L3MBTL4: variants seen among roughly 807,000 people sequenced by gnomAD.
L3MBTL4 encodes lethal(3)malignant brain tumor-like protein 4.
Under a neutral mutation model 84.5 loss-of-function variants are expected in L3MBTL4, and 70 were observed. That is an observed-to-expected ratio of 0.83 (90% confidence interval 0.68 to 1.01). L3MBTL4 has a LOEUF of 1.01. Ranked by LOEUF, L3MBTL4 falls within the 50% of genes least tolerant of loss-of-function variation. The pLI, the probability that L3MBTL4 is intolerant of heterozygous loss-of-function variation, is 0.00. For synonymous variants in L3MBTL4, 274 were observed against 259.8 expected (o/e 1.05, Z -0.52); for missense variants, 715 against 754.8 (o/e 0.95, Z 0.62).
chr18:6,136,513 A>T (rs1430450949), intron 14 of L3MBTL4, among the ~76,000 whole-genome samples: 2 of 152,212 alleles, frequency 1.3e-5, no homozygotes, highest in African/African-American at 4.8e-5. Context: ...GGTTGTAGAC[A>T]GCAACCAGAT....
At chr18:6,318,473 C>G (rs530813184) in intron 1 of L3MBTL4, among the ~76,000 whole-genome samples, 4 of 19,856 alleles carry the variant, frequency 2.0e-4, no homozygotes, top group Admixed American at 6.9e-4. Context: ...TCAGATAAAA[C>G]AGACTTTCAA....
chr18:6,388,175 C>T (rs2054901536), intron 1 of L3MBTL4, among the ~76,000 whole-genome samples: 1 of 151,976 alleles, frequency 6.6e-6, no homozygotes, highest in Non-Finnish European at 1.5e-5. Flanking sequence ...GATTTATCAA[C>T]ATAAAAAAAT....
At chr18:6,050,722 C>G (rs1197134920) in intron 16 of L3MBTL4, among the ~76,000 whole-genome samples, 2 of 152,020 alleles carry the variant, frequency 1.3e-5, no homozygotes, top group East Asian at 1.9e-4. Context: ...TTCTCTTCTT[C>G]TCTTAGGGAA....
In L3MBTL4 at chr18:6,121,712, G is replaced by A. The variant is rs902455759; in HGVS notation, c.1199+16482C>T. ...TGTGTGTGTGTGTGTGTGTGTGTGT[G>A]TGTGTGTATGTGTGTGTGCATGTTT... On this transcript the variant is annotated intron_variant, in intron 14 of 18. Transcript: ENST00000317931. Among the ~76,000 whole-genome samples, 9 of 136,970 alleles carry A rather than the reference G, an allele frequency of 6.6e-5. No individual in the cohort carries two copies. In the East Asian group the frequency reaches 1.8e-3, roughly 27 times the overall value. The allele number at this position is 136,970 out of a possible 152,430, so 89.9% of individuals were successfully genotyped here.
At chr18:6,316,049 C>A (rs981369035) in intron 1 of L3MBTL4, among the ~76,000 whole-genome samples, 40 of 151,910 alleles carry the variant, frequency 2.6e-4, no homozygotes, top group Non-Finnish European at 2.2e-4. Context: ...GGAGTCCATG[C>A]CACTCCCCTG....
chr18:6,354,441 A>G (rs1224297077), intron 1 of L3MBTL4, among the ~76,000 whole-genome samples: 4 of 152,194 alleles, frequency 2.6e-5, no homozygotes, highest in African/African-American at 9.6e-5. Flanking sequence ...GATCACATCA[A>G]GTTAAAAAGC....
intron 1 of L3MBTL4, chr18:6,397,033 CTGATGAAGCA>C (rs1237546472): frequency 6.6e-6 from 1 of 152,072 alleles, no homozygotes; most frequent in African/African-American, 2.4e-5. Context: ...GCAAAAAATG[CTGATGAAGCA>C]TGAGTAGAGA....
chr18:6,235,993 A>C (rs1228464823), intron 10 of L3MBTL4, among the ~76,000 whole-genome samples: 1 of 152,218 alleles, frequency 6.6e-6, no homozygotes, highest in Non-Finnish European at 1.5e-5. Context: ...AGAGAAACTT[A>C]ATATTGTGAA....
At chr18:6,348,876 G>C (rs1237304141) in intron 1 of L3MBTL4, among the ~76,000 whole-genome samples, 1 of 152,166 alleles carries the variant, frequency 6.6e-6, no homozygotes, top group East Asian at 1.9e-4. Context: ...ATAACCCGTA[G>C]AGAAATGGGC....
chr18:6,197,049 G>C (rs1272433281), intron 12 of L3MBTL4, among the ~76,000 whole-genome samples: 3 of 152,332 alleles, frequency 2.0e-5, no homozygotes, highest in African/African-American at 7.2e-5. Context: ...GTGGGTCTAA[G>C]CCAGATAGCT....
intron 1 of L3MBTL4, among the ~76,000 whole-genome samples, chr18:6,413,302 AC>A (rs1183510764): frequency 6.6e-6 from 1 of 152,212 alleles, no homozygotes; most frequent in Non-Finnish European, 1.5e-5. Flanking sequence ...TACATGCAAT[AC>A]ATCCTCAATG....
At chr18:6,188,248 T>G (rs1318408050) in intron 12 of L3MBTL4, among the ~76,000 whole-genome samples, 2 of 151,546 alleles carry the variant, frequency 1.3e-5, no homozygotes, top group Admixed American at 6.6e-5. Flanking sequence ...TAGTTATATT[T>G]CCAATTAACC....
At chr18:6,013,696 A>G (rs572137520) in intron 16 of L3MBTL4, among the ~76,000 whole-genome samples, 2 of 152,268 alleles carry the variant, frequency 1.3e-5, no homozygotes, top group South Asian at 4.1e-4. Flanking sequence ...CGAATTTTGC[A>G]TGATTTGCCA....
At position 5,956,146 on chromosome 18, in the gene L3MBTL4, T is replaced by C. The variant is rs3737352; in HGVS notation, c.*74A>G. 0.38 allele frequency: 492,549 copies of C among 1,287,600 alleles called. 95,985 individuals are homozygous for C. The highest frequency in any genetic ancestry group is 0.47 in the East Asian group (20,425 of 43,096). The allele number at this position is 1,287,600 out of a possible 1,614,324, so 79.8% of individuals were successfully genotyped here. On this transcript the variant is annotated 3_prime_UTR_variant, in exon 19 of 19. Transcript: ENST00000317931. ...GGATACGGCCATGGGGACATTCACATCAAATTAATGTGCTCCACTTTTATT... is the reference window on the plus strand; with the variant it reads ...GGATACGGCCATGGGGACATTCACACCAAATTAATGTGCTCCACTTTTATT...
intron 5 of L3MBTL4, among the ~76,000 whole-genome samples, chr18:6,248,994 T>C (rs927506159): frequency 6.6e-6 from 1 of 152,154 alleles, no homozygotes; most frequent in Non-Finnish European, 1.5e-5. Context: ...CAAAATGAAA[T>C]GGCAAGAATG....
intron 10 of L3MBTL4, among the ~76,000 whole-genome samples, chr18:6,224,794 A>C (rs2046706499): frequency 6.6e-6 from 1 of 152,124 alleles, no homozygotes. Context: ...ACAAGCTGAC[A>C]AGCTCCATCA....
intron 15 of L3MBTL4, among the ~76,000 whole-genome samples, chr18:6,089,632 C>T (rs1464830298): frequency 6.6e-6 from 1 of 152,130 alleles, no homozygotes. Flanking sequence ...ACTACCTAAC[C>T]TCTCTGAACT....
At chr18:6,129,943 G>A (rs551459904) in intron 14 of L3MBTL4, among the ~76,000 whole-genome samples, 1 of 152,090 alleles carries the variant, frequency 6.6e-6, no homozygotes, top group South Asian at 2.1e-4. Context: ...TGTTTTGCCT[G>A]TTTACTCCAT....
At chr18:6,248,623 G>C (rs1260898864) in intron 5 of L3MBTL4, among the ~76,000 whole-genome samples, 1 of 152,094 alleles carries the variant, frequency 6.6e-6, no homozygotes, top group African/African-American at 2.4e-5. Context: ...GCTTCTTTTT[G>C]TAAAGATAAG....
Sources: allele counts gnomAD v4.1 joint callset (sites outside exome capture counted in the v4.1 genomes callset), GRCh38; gene constraint gnomAD v4.1.1; transcripts MANE v1.5; gene names NCBI Gene and HGNC (gene_info 2026-07-23, HGNC 2026-07-21).